ADAMTS3: variants seen among roughly 807,000 people sequenced by gnomAD.
ADAMTS3 encodes ADAM metallopeptidase with thrombospondin type 1 motif 3, also known as A disintegrin and metalloproteinase with thrombospondin motifs 3.
A neutral mutation model predicts 129.0 loss-of-function variants in ADAMTS3; 73 were observed. The ratio of observed to expected loss-of-function variants is 0.57; its 90% CI spans 0.47 to 0.69. The LOEUF is 0.69. Ranked by LOEUF, ADAMTS3 falls within the 30% of genes least tolerant of loss-of-function variation. ADAMTS3 has a pLI of 0.00. For synonymous variants in ADAMTS3, 477 were observed against 510.8 expected (o/e 0.93, Z 0.89); for missense variants, 1,457 against 1,514.5 (o/e 0.96, Z 0.63).
intron 3 of ADAMTS3, among the ~76,000 whole-genome samples, chr4:72,489,100 T>C (rs967316441): frequency 4.6e-5 from 7 of 151,988 alleles, no homozygotes; most frequent in Admixed American, 1.3e-4. Flanking sequence ...TTGTCACAAA[T>C]GGCAGGATTT....
At chr4:72,458,383 T>A (rs944288522) in intron 3 of ADAMTS3, among the ~76,000 whole-genome samples, 13 of 151,564 alleles carry the variant, frequency 8.6e-5, no homozygotes, top group Non-Finnish European at 1.5e-5. Flanking sequence ...CATGTCATCA[T>A]TGCTTAAAAA....
intron 3 of ADAMTS3, among the ~76,000 whole-genome samples, chr4:72,518,893 C>G (rs28877621): frequency 0.31 from 47,589 of 151,328 alleles, 7,621 homozygotes; most frequent in Middle Eastern, 0.35. Flanking sequence ...ATGTTAGCTG[C>G]TTATTTTGCT....
intron 3 of ADAMTS3, among the ~76,000 whole-genome samples, chr4:72,471,225 T>C (rs1265303234): frequency 1.3e-5 from 2 of 152,196 alleles, no homozygotes; most frequent in Non-Finnish European, 2.9e-5. Flanking sequence ...TTGGAGTACT[T>C]GTTATCTGCC....
intron 3 of ADAMTS3, among the ~76,000 whole-genome samples, chr4:72,457,320 A>G (rs1385893992): frequency 6.6e-6 from 1 of 151,686 alleles, no homozygotes; most frequent in Non-Finnish European, 1.5e-5. Flanking sequence ...AAATGACAGT[A>G]ATAGCACTTT....
At chr4:72,474,819 G>A (rs986827299) in intron 3 of ADAMTS3, among the ~76,000 whole-genome samples, 10 of 151,946 alleles carry the variant, frequency 6.6e-5, no homozygotes, top group African/African-American at 2.4e-4. Context: ...GAGGTCAGGA[G>A]ATCGAGACCA....
chr4:72,386,618 TG>T (rs1393713349), intron 4 of ADAMTS3, among the ~76,000 whole-genome samples: 27 of 152,262 alleles, frequency 1.8e-4, no homozygotes, highest in African/African-American at 6.0e-4. Flanking sequence ...TGAACAACAC[TG>T]ATGAGTCTCA....
chr4:72,420,182 C>T (rs1030105823), intron 3 of ADAMTS3, among the ~76,000 whole-genome samples: 8 of 152,124 alleles, frequency 5.3e-5, no homozygotes, highest in African/African-American at 1.9e-4. Context: ...CACCTAGGCC[C>T]TCCCTCATCT....
intron 3 of ADAMTS3, among the ~76,000 whole-genome samples, chr4:72,436,566 T>C (rs572766719): frequency 1.6e-4 from 24 of 152,262 alleles, no homozygotes; most frequent in African/African-American, 4.8e-4. Flanking sequence ...CGTATGTTTA[T>C]TGCGGCACTA....
intron 3 of ADAMTS3, among the ~76,000 whole-genome samples, chr4:72,437,666 C>T (rs1717985674): frequency 6.6e-6 from 1 of 151,670 alleles, no homozygotes; most frequent in South Asian, 2.1e-4. Context: ...GCACTATGAA[C>T]CAATCTTCTA....
intron 3 of ADAMTS3, among the ~76,000 whole-genome samples, chr4:72,530,475 A>AATATATAAATATATGAAAAT (rs1720986354): frequency 1.2e-5 from 1 of 81,632 alleles, no homozygotes; most frequent in East Asian, 3.8e-4. Flanking sequence ...ATATTAATTT[A>AATATATAAATATATGAAAAT]ATATATAAAT....
intron 7 of ADAMTS3, 50 bp from the exon 8 acceptor site, chr4:72,320,013 T>A: frequency 6.6e-7 from 1 of 1,508,976 alleles, no homozygotes; most frequent in East Asian, 2.3e-5. Context: ...GAAAACCCAT[T>A]AAGAATTACA....
chr4:72,494,847 A>G (rs980057982), intron 3 of ADAMTS3, among the ~76,000 whole-genome samples: 2 of 152,186 alleles, frequency 1.3e-5, no homozygotes, highest in Non-Finnish European at 2.9e-5. Flanking sequence ...AAATCTCCAC[A>G]GAGTTACATC....
intron 17 of ADAMTS3, 149 bp downstream of exon 17, chr4:72,303,768 G>C (rs914420246): frequency 1.4e-6 from 1 of 722,608 alleles, no homozygotes; most frequent in East Asian, 2.7e-5. Context: ...CACAAAGAGT[G>C]GGGGGAAAGA....
intron 4 of ADAMTS3, among the ~76,000 whole-genome samples, chr4:72,348,680 G>A (rs540778688): frequency 1.3e-5 from 2 of 152,022 alleles, no homozygotes; most frequent in South Asian, 4.1e-4. Flanking sequence ...AGCTTTATCT[G>A]GCTGTTGGCA....
At chr4:72,463,107 G>A (rs986482490) in intron 3 of ADAMTS3, among the ~76,000 whole-genome samples, 6 of 151,792 alleles carry the variant, frequency 4.0e-5, no homozygotes, top group African/African-American at 1.5e-4. Flanking sequence ...TCTATGTTTA[G>A]ATACACAAAA....
chr4:72,397,183 C>T (rs1332861387), intron 4 of ADAMTS3, among the ~76,000 whole-genome samples: 1 of 152,154 alleles, frequency 6.6e-6, no homozygotes, highest in African/African-American at 2.4e-5. Context: ...TATTATAGTA[C>T]ATAACTTCTG....
At chr4:72,302,356 G>A (rs6822071) in intron 17 of ADAMTS3, among the ~76,000 whole-genome samples, 13 of 150,744 alleles carry the variant, frequency 8.6e-5, no homozygotes, top group Non-Finnish European at 1.5e-4. Context: ...GTGCACCATC[G>A]GATACGAAAA....
At chr4:72,455,689 A>T (rs1718533131) in intron 3 of ADAMTS3, among the ~76,000 whole-genome samples, 2 of 146,866 alleles carry the variant, frequency 1.4e-5, no homozygotes, top group African/African-American at 5.0e-5. Context: ...TTTCTTCCGG[A>T]TTTTTTGATG....
intron 15 of ADAMTS3, among the ~76,000 whole-genome samples, chr4:72,308,441 C>T (rs1413502762): frequency 6.6e-6 from 1 of 151,862 alleles, no homozygotes; most frequent in Non-Finnish European, 1.5e-5. Flanking sequence ...AAAGTTACCC[C>T]AATGACAATT....
Sources: gnomAD v4.1 joint callset for allele counts (sites outside exome capture counted in the v4.1 genomes callset) on GRCh38, gnomAD v4.1.1 for gene constraint, MANE v1.5 for transcripts, NCBI Gene and HGNC (gene_info 2026-07-23, HGNC 2026-07-21) for gene names.